CHD1L: variants seen among roughly 807,000 people sequenced by gnomAD.
CHD1L encodes the protein chromodomain helicase DNA binding protein 1 like.
A neutral mutation model predicts 115.9 loss-of-function variants in CHD1L; 118 were observed. The ratio of observed to expected loss-of-function variants is 1.02; its 90% CI spans 0.88 to 1.19. The LOEUF is 1.19. CHD1L is among the 50% of genes most tolerant of loss of function. The probability of loss-of-function intolerance (pLI) is 0.00; values close to 1 mark genes in which losing one functional copy is unlikely to be tolerated. For missense variants in CHD1L, 1,179 were observed against 1,065.3 expected, an observed-to-expected ratio of 1.11 and a Z score of -1.49; for synonymous variants, 411 against 387.1, an observed-to-expected ratio of 1.06 and a Z score of -0.72.
At chr1:147,284,962 A>G (rs1309141091) in intron 16 of CHD1L, among the ~76,000 whole-genome samples, 2 of 152,250 alleles carry the variant, frequency 1.3e-5, no homozygotes, top group Non-Finnish European at 2.9e-5. Flanking sequence ...AATACATTGC[A>G]GAAAGAGTTC....
At chr1:147,293,911 G>A (rs587608145) in intron 21 of CHD1L, among the ~76,000 whole-genome samples, 189 bp downstream of exon 21, 1 of 152,056 alleles carries the variant, frequency 6.6e-6, no homozygotes, top group Admixed American at 6.6e-5. Flanking sequence ...TTTTAATACC[G>A]GTTATCTCTG....
At chr1:147,225,199 C>G in the CHD1L span, 1 of 1,443,138 alleles carries the variant, frequency 6.9e-7, no homozygotes, top group South Asian at 1.5e-5. Context: ...GTCCTCTTCA[C>G]CAGAGGAAAT....
At chr1:147,208,385 C>T in the CHD1L span, 1 of 152,324 alleles carries the variant, frequency 6.6e-6, no homozygotes, top group African/African-American at 2.4e-5. Flanking sequence ...TCTGTGGGTA[C>T]AAGTTAGAAA....
the CHD1L span, chr1:147,224,970 CT>C: frequency 6.2e-7 from 1 of 1,614,108 alleles, no homozygotes; most frequent in Non-Finnish European, 8.5e-7. Context: ...CTACGCAGCA[CT>C]TGATGGAAGA....
chr1:147,294,639 CT>C, intron 22 of CHD1L, 122 bp downstream of exon 22: 2 of 643,888 alleles, frequency 3.1e-6, no homozygotes, highest in African/African-American at 1.9e-5. Context: ...TACTTTCCCC[CT>C]CTTCAGTGAG....
chr1:147,251,907 G>T (rs1668532421), intron 1 of CHD1L, among the ~76,000 whole-genome samples: 1 of 152,166 alleles, frequency 6.6e-6, no homozygotes, highest in South Asian at 2.1e-4. Flanking sequence ...GTACAATTAT[G>T]TATTTTGAAG....
chr1:147,190,745 C>T, the CHD1L span, among the ~76,000 whole-genome samples: 1 of 151,902 alleles, frequency 6.6e-6, no homozygotes, highest in Non-Finnish European at 1.5e-5. Flanking sequence ...AGGTTTGTTA[C>T]ATACGTATAC....
chr1:147,294,460 A>G lies in CHD1L; in HGVS notation c.2558A>G (p.Tyr853Cys), dbSNP rs1173615115. The change falls in exon 22 of 23, where the codon TAT becomes TGT. Residue 853 changes from tyrosine to cysteine, a missense_variant. Tyr to Cys is a radical substitution (Grantham distance 194). Coordinates refer to ENST00000369258, the MANE Select transcript of CHD1L (RefSeq NM_004284.6). ...CATGCCACGAAAGGTTTTAACTGGT[A>G]TGGTACTGAGCGACTTATTCGGAAA... ...IGHATKGFNW[Y>C]GTERLIRKHL... The G allele has an allele frequency of 1.2e-5, 19 of 1,613,374 alleles. No individual in the cohort carries two copies. The highest frequency in any genetic ancestry group is 1.6e-5 in the Non-Finnish European group (19 of 1,179,762).
chr1:147,175,261 G>A, the CHD1L span: 18 of 152,214 alleles, frequency 1.2e-4, no homozygotes, highest in African/African-American at 4.1e-4. Context: ...ATAAAAACAA[G>A]TTCACACAAA....
chr1:147,199,416 G>A, the CHD1L span, among the ~76,000 whole-genome samples: 2 of 152,116 alleles, frequency 1.3e-5, no homozygotes, highest in Non-Finnish European at 1.5e-5. Flanking sequence ...TTCCTTCCAG[G>A]TGTTAGAAAA....
chr1:147,215,974 T>G, the CHD1L span: 10 of 1,519,314 alleles, frequency 6.6e-6, no homozygotes, highest in African/African-American at 1.4e-5. Context: ...CATAGCAACT[T>G]GAGGATCATC....
At chr1:147,276,980 C>T (rs1678739137) in intron 14 of CHD1L, among the ~76,000 whole-genome samples, 1 of 152,064 alleles carries the variant, frequency 6.6e-6, no homozygotes, top group Non-Finnish European at 1.5e-5. Flanking sequence ...GTGGGAGAGT[C>T]TGGTGTGAGA....
At chr1:147,235,816 C>T in the CHD1L span, among the ~76,000 whole-genome samples, 1 of 152,128 alleles carries the variant, frequency 6.6e-6, no homozygotes. Flanking sequence ...ATTGAGACAA[C>T]CTGTCCCCTA....
intron 5 of CHD1L, among the ~76,000 whole-genome samples, chr1:147,257,013 C>G (rs1571730387): frequency 6.6e-6 from 1 of 152,128 alleles, no homozygotes; most frequent in Non-Finnish European, 1.5e-5. Context: ...GTGGAATTAA[C>G]TTTTTAGAAA....
Position 147,272,168 on chromosome 1 carries a change from A to G in CHD1L, c.1160-3A>G, listed in dbSNP as rs782717019. Reference sequence around the variant, plus strand: ...ATTTCTGTTTTTCTTCCTCTCTGTAAAGGCTACAGCTATGAGCGTGTGGAT... The same window carrying G: ...ATTTCTGTTTTTCTTCCTCTCTGTAGAGGCTACAGCTATGAGCGTGTGGAT... On this transcript the variant is annotated splice_region_variant and splice_polypyrimidine_tract_variant and intron_variant, in intron 11 of 22. Transcript: ENST00000369258. 1.2e-6 allele frequency: 2 copies of G among 1,609,978 alleles called. No individual in the cohort carries two copies. Among genetic ancestry groups the G allele is most frequent in the Non-Finnish European group, 1.7e-6 (2 of 1,177,482 alleles).
the CHD1L span, chr1:147,209,182 G>A: frequency 5.3e-5 from 33 of 622,338 alleles, no homozygotes; most frequent in Admixed American, 1.1e-4. Flanking sequence ...CACTTTGGGA[G>A]GCCAAGGCGG....
At chr1:147,278,215 T>G (rs1407942805) in intron 14 of CHD1L, among the ~76,000 whole-genome samples, 5 of 109,166 alleles carry the variant, frequency 4.6e-5, no homozygotes, top group African/African-American at 1.4e-4. Flanking sequence ...TTGTTTTTGT[T>G]TTTTGGGTTT....
chr1:147,206,477 G>A, the CHD1L span, among the ~76,000 whole-genome samples: 6 of 152,192 alleles, frequency 3.9e-5, no homozygotes, highest in East Asian at 1.9e-4. Flanking sequence ...TGTTTATTGC[G>A]GCACTATTCA....
At chr1:147,263,617 CTGT>C (rs1243817204) in intron 6 of CHD1L, among the ~76,000 whole-genome samples, 4 of 151,798 alleles carry the variant, frequency 2.6e-5, no homozygotes, top group African/African-American at 7.3e-5. Flanking sequence ...GTGTTCTTCT[CTGT>C]TGTTCAAAAT....
Sources: gnomAD v4.1 joint callset for allele counts (sites outside exome capture counted in the v4.1 genomes callset) on GRCh38, gnomAD v4.1.1 for gene constraint, MANE v1.5 for transcripts, NCBI Gene and HGNC (gene_info 2026-07-23, HGNC 2026-07-21) for gene names.